The following DISC1 variants were observed in gnomAD, a reference collection of about 807,000 sequenced individuals.
The protein encoded by DISC1 is disrupted in schizophrenia 1 protein.
In DISC1, 57 loss-of-function variants were observed where a neutral mutation model predicts 84.5. The observed-to-expected ratio is 0.67, with a 90% CI of 0.55 to 0.84. DISC1 has a LOEUF of 0.84. Among genes scored for constraint, DISC1 ranks in the 40% least tolerant of loss-of-function variants. The pLI, the probability that DISC1 is intolerant of heterozygous loss-of-function variation, is 0.00. For missense variants in DISC1, 1,000 were observed against 1,057.8 expected (o/e 0.95, Z 0.76); for synonymous variants, 411 against 415.2 (o/e 0.99, Z 0.12).
intron 6 of DISC1, among the ~76,000 whole-genome samples, chr1:231,773,458 C>A (rs1484175341): frequency 6.6e-6 from 1 of 152,176 alleles, no homozygotes; most frequent in African/African-American, 2.4e-5. Context: ...GATCTCGGCT[C>A]ACTGCAACCT....
At chr1:232,034,092 G>C (rs16856303) in intron 12 of DISC1, among the ~76,000 whole-genome samples, 8,961 of 152,126 alleles carry the variant, frequency 0.059, 873 homozygotes, top group African/African-American at 0.2. Context: ...CTACAGGCAG[G>C]TTGGTTAGAG....
At chr1:231,786,820 G>A (rs546836378) in intron 6 of DISC1, among the ~76,000 whole-genome samples, 17 of 152,242 alleles carry the variant, frequency 1.1e-4, no homozygotes, top group African/African-American at 3.9e-4. Flanking sequence ...CTAGAGGTAT[G>A]CCCACTGCAC....
At chr1:231,766,629 G>A (rs2076196280) in intron 4 of DISC1, among the ~76,000 whole-genome samples, 3 of 152,132 alleles carry the variant, frequency 2.0e-5, no homozygotes, top group East Asian at 1.9e-4. Flanking sequence ...AATAGTGAGT[G>A]TGAATTCAAT....
intron 1 of DISC1, among the ~76,000 whole-genome samples, chr1:231,635,316 G>T (rs2059103662): frequency 6.6e-6 from 1 of 151,064 alleles, no homozygotes; most frequent in Non-Finnish European, 1.5e-5. Flanking sequence ...GGACACTCTG[G>T]CCTTTTTATT....
intron 3 of DISC1, among the ~76,000 whole-genome samples, chr1:231,732,810 A>T (rs1400952596): frequency 6.6e-6 from 1 of 152,238 alleles, no homozygotes; most frequent in Non-Finnish European, 1.5e-5. Flanking sequence ...TAGTATTGTG[A>T]CAGTGGTGAT....
Position 232,036,905 on chromosome 1 carries a change from T to A in DISC1, c.*74T>A, listed in dbSNP as rs903434530. On this transcript the variant is annotated 3_prime_UTR_variant, in exon 13 of 13. Transcript: ENST00000439617. ...GGGGCTGCTCTTCCCTCCCCCGCCA[T>A]AGCTAAGATGCCTGAATCAATTACG... 4 of 1,406,598 alleles carry A rather than the reference T, an allele frequency of 2.8e-6. No homozygotes were observed. Among genetic ancestry groups the A allele is most frequent in the Non-Finnish European group, 3.8e-6 (4 of 1,059,194 alleles). The allele number at this position is 1,406,598 out of a possible 1,614,324, so 87.1% of individuals were successfully genotyped here.
At chr1:232,010,070 T>G (rs1317449258) in intron 11 of DISC1, among the ~76,000 whole-genome samples, 1 of 152,164 alleles carries the variant, frequency 6.6e-6, no homozygotes, top group Non-Finnish European at 1.5e-5. Context: ...CTGGACTGCT[T>G]AGAAAATCGA....
intron 9 of DISC1, chr1:231,945,127 CA>C (rs1397605113): frequency 7.2e-5 from 11 of 152,134 alleles, no homozygotes; most frequent in Non-Finnish European, 2.9e-5. Flanking sequence ...CACCCCATCA[CA>C]AACTTAATCC....
chr1:232,033,264 T>A (rs1670221926), intron 12 of DISC1, among the ~76,000 whole-genome samples: 1 of 152,158 alleles, frequency 6.6e-6, no homozygotes, highest in Admixed American at 6.5e-5. Flanking sequence ...ATATCCCACA[T>A]CCAGTCTGTC....
chr1:231,854,145 G>T (rs2084094618), intron 9 of DISC1, among the ~76,000 whole-genome samples: 1 of 152,080 alleles, frequency 6.6e-6, no homozygotes, highest in African/African-American at 2.4e-5. Context: ...AGCTTCTGCT[G>T]GGGCTTTGTT....
chr1:231,885,424 G>C (rs1212474405), intron 9 of DISC1, among the ~76,000 whole-genome samples: 2 of 152,144 alleles, frequency 1.3e-5, no homozygotes, highest in Non-Finnish European at 2.9e-5. Flanking sequence ...GAAGGAGTGT[G>C]ATAGGGGAGT....
intron 12 of DISC1, among the ~76,000 whole-genome samples, chr1:232,027,987 G>A (rs1207987877): frequency 1.3e-5 from 2 of 152,046 alleles, no homozygotes; most frequent in African/African-American, 4.8e-5. Context: ...AACTTAATCT[G>A]CAATGATTTT....
intron 6 of DISC1, among the ~76,000 whole-genome samples, chr1:231,772,039 C>T (rs897638197): frequency 2.6e-5 from 4 of 151,652 alleles, no homozygotes; most frequent in African/African-American, 9.7e-5. Context: ...TTCTTGAACT[C>T]CTGGGCTCAA....
intron 10 of DISC1, among the ~76,000 whole-genome samples, chr1:231,973,560 C>T (rs1280756833): frequency 6.6e-6 from 1 of 152,208 alleles, no homozygotes; most frequent in East Asian, 1.9e-4. Flanking sequence ...GAACAAGCAT[C>T]TTCGACAATG....
intron 10 of DISC1, among the ~76,000 whole-genome samples, chr1:231,985,290 C>A (rs555944886): frequency 6.8e-6 from 1 of 148,110 alleles, no homozygotes; most frequent in African/African-American, 2.5e-5. Context: ...TGTGCCATTG[C>A]ACTCCAACCT....
intron 3 of DISC1, among the ~76,000 whole-genome samples, chr1:231,711,559 G>A (rs1436512099): frequency 2.0e-5 from 3 of 150,844 alleles, no homozygotes; most frequent in Non-Finnish European, 4.4e-5. Context: ...TAATAGAGAC[G>A]GGGTTTCACC....
intron 10 of DISC1, among the ~76,000 whole-genome samples, chr1:231,977,824 A>G (rs1663026631): frequency 6.6e-6 from 1 of 152,232 alleles, no homozygotes; most frequent in Non-Finnish European, 1.5e-5. Flanking sequence ...TACCATTATC[A>G]TACCTAAAAA....
chr1:231,750,636 C>T (rs2074511548), intron 4 of DISC1: 9 of 969,500 alleles, frequency 9.3e-6, no homozygotes, highest in Non-Finnish European at 1.1e-5. Flanking sequence ...TAAAACCTAC[C>T]AATGTCCAGG....
intron 11 of DISC1, among the ~76,000 whole-genome samples, chr1:232,012,304 G>A (rs568551160): frequency 6.6e-6 from 1 of 152,256 alleles, no homozygotes; most frequent in Non-Finnish European, 1.5e-5. Context: ...CAATGAGTTA[G>A]TGGAAGATAC....
Sources: allele counts gnomAD v4.1 joint callset (sites outside exome capture counted in the v4.1 genomes callset), GRCh38; gene constraint gnomAD v4.1.1; transcripts MANE v1.5; gene names NCBI Gene and HGNC (gene_info 2026-07-23, HGNC 2026-07-21).